The following CSMD1 variants were observed in gnomAD, a reference collection of about 807,000 sequenced individuals.
CSMD1 encodes CUB and sushi domain-containing protein 1.
In CSMD1, 213 loss-of-function variants were observed where a neutral mutation model predicts 417.5. That is an observed-to-expected ratio of 0.51 (90% confidence interval 0.46 to 0.57). The LOEUF is 0.57. Ranked by LOEUF, CSMD1 falls within the 20% of genes least tolerant of loss-of-function variation. The pLI is 0.00. For synonymous variants in CSMD1, 2,862 were observed against 1,736.8 expected, an observed-to-expected ratio of 1.65 and a Z score of -16.11; for missense variants, 6,923 against 4,529.7, an observed-to-expected ratio of 1.53 and a Z score of -15.17.
chr8:4,418,617 G>A (rs966361764), intron 3 of CSMD1, among the ~76,000 whole-genome samples: 15 of 152,056 alleles, frequency 9.9e-5, no homozygotes, highest in African/African-American at 3.1e-4. Context: ...GCATATAGCT[G>A]GTATGGATTG....
intron 10 of CSMD1, among the ~76,000 whole-genome samples, chr8:3,533,343 T>A (rs895051095): frequency 1.3e-5 from 2 of 152,196 alleles, no homozygotes; most frequent in Non-Finnish European, 2.9e-5. Flanking sequence ...CTCTAGAACT[T>A]ATTCATCTTA....
chr8:2,940,154 G>C (rs1801768103), intron 69 of CSMD1, among the ~76,000 whole-genome samples: 1 of 152,188 alleles, frequency 6.6e-6, no homozygotes, highest in Admixed American at 6.5e-5. Flanking sequence ...CCAGTGTAGA[G>C]AGTGCTACAG....
chr8:3,494,684 A>G (rs1337157946), intron 10 of CSMD1, among the ~76,000 whole-genome samples: 1 of 81,752 alleles, frequency 1.2e-5, no homozygotes, highest in Non-Finnish European at 3.0e-5. Flanking sequence ...ACACAGATAC[A>G]TGAATATATA....
At chr8:4,924,456 C>T (rs902565659) in intron 1 of CSMD1, among the ~76,000 whole-genome samples, 2 of 152,102 alleles carry the variant, frequency 1.3e-5, no homozygotes, top group African/African-American at 2.4e-5. Flanking sequence ...GGCACGGTGG[C>T]TCACGCCTGT....
intron 10 of CSMD1, among the ~76,000 whole-genome samples, chr8:3,531,686 A>G (rs1474982430): frequency 6.6e-6 from 1 of 152,226 alleles, no homozygotes; most frequent in African/African-American, 2.4e-5. Flanking sequence ...AATGAGGGCA[A>G]AGAGTCCTCA....
At chr8:4,615,680 T>C (rs1370308153) in intron 2 of CSMD1, among the ~76,000 whole-genome samples, 2 of 152,156 alleles carry the variant, frequency 1.3e-5, no homozygotes, top group Admixed American at 6.5e-5. Context: ...CCTTATACCA[T>C]CTTGTGCACA....
At chr8:3,888,364 G>C (rs1349972280) in intron 5 of CSMD1, among the ~76,000 whole-genome samples, 1 of 152,154 alleles carries the variant, frequency 6.6e-6, no homozygotes, top group Non-Finnish European at 1.5e-5. Context: ...AGTCAGATGA[G>C]CTCTAAACAA....
chr8:4,912,135 A>AAAAAAAAAAGAAAAG (rs765904838), intron 1 of CSMD1, among the ~76,000 whole-genome samples: 22 of 115,668 alleles, frequency 1.9e-4, no homozygotes, highest in Non-Finnish European at 4.2e-4. Context: ...AAAAAAAAAA[A>AAAAAAAAAAGAAAAG]AAAAAAGAAA....
At chr8:3,476,574 A>T (rs1817438605) in intron 11 of CSMD1, among the ~76,000 whole-genome samples, 1 of 152,134 alleles carries the variant, frequency 6.6e-6, no homozygotes. Context: ...GGTTACACAG[A>T]ACATACATCC....
chr8:3,119,052 C>T (rs950011177), intron 41 of CSMD1, among the ~76,000 whole-genome samples: 4 of 151,836 alleles, frequency 2.6e-5, no homozygotes, highest in Non-Finnish European at 5.9e-5. Context: ...TGGTGGCGGG[C>T]GCCTGTAGTC....
At chr8:3,444,126 G>A (rs1436560190) in intron 12 of CSMD1, among the ~76,000 whole-genome samples, 1 of 152,046 alleles carries the variant, frequency 6.6e-6, no homozygotes, top group Non-Finnish European at 1.5e-5. Context: ...GGCCCAGAAA[G>A]AACAAGAAAT....
intron 3 of CSMD1, among the ~76,000 whole-genome samples, chr8:4,055,449 G>C (rs113980452): frequency 5.3e-5 from 8 of 151,624 alleles, no homozygotes; most frequent in African/African-American, 1.7e-4. Context: ...GCATTTTGAA[G>C]AGAAAAATTT....
intron 3 of CSMD1, among the ~76,000 whole-genome samples, chr8:4,107,928 G>C (rs1243380783): frequency 1.3e-5 from 2 of 152,094 alleles, no homozygotes; most frequent in Admixed American, 1.3e-4. Context: ...TTTCGTCAAA[G>C]TTTTGCCCCC....
intron 3 of CSMD1, among the ~76,000 whole-genome samples, chr8:4,255,559 G>A (rs763070679): frequency 6.6e-6 from 1 of 151,024 alleles, no homozygotes; most frequent in Non-Finnish European, 1.5e-5. Flanking sequence ...TTATCTTCTA[G>A]ATAGAATTTT....
intron 2 of CSMD1, among the ~76,000 whole-genome samples, chr8:4,439,817 G>A (rs1438203): frequency 0.025 from 3,844 of 152,228 alleles, 169 homozygotes; most frequent in African/African-American, 0.087. Flanking sequence ...ATTCAGGGGT[G>A]AAAATTAAAG....
intron 1 of CSMD1, among the ~76,000 whole-genome samples, chr8:4,767,965 T>G (rs979940707): frequency 1.3e-5 from 2 of 152,016 alleles, no homozygotes; most frequent in African/African-American, 4.8e-5. Context: ...AGGGCGTGGG[T>G]CAATCTAGCA....
At chr8:4,849,124 C>G (rs1436300807) in intron 1 of CSMD1, among the ~76,000 whole-genome samples, 2 of 152,116 alleles carry the variant, frequency 1.3e-5, no homozygotes, top group East Asian at 3.9e-4. Context: ...TTGTGTAAGT[C>G]TAGGCTAATG....
intron 1 of CSMD1, among the ~76,000 whole-genome samples, chr8:4,708,673 C>T (rs1261516728): frequency 6.7e-6 from 1 of 150,072 alleles, no homozygotes; most frequent in Non-Finnish European, 1.5e-5. Flanking sequence ...TAACCAGATT[C>T]ATTTTTTTTT....
chr8:4,220,759 G>C (rs76801781), intron 3 of CSMD1, among the ~76,000 whole-genome samples: 2 of 152,176 alleles, frequency 1.3e-5, no homozygotes, highest in African/African-American at 2.4e-5. Flanking sequence ...AAACAGGGTG[G>C]AGAATATGGG....
Sources: allele counts gnomAD v4.1 joint callset (sites outside exome capture counted in the v4.1 genomes callset), GRCh38; gene constraint gnomAD v4.1.1; transcripts MANE v1.5; gene names NCBI Gene and HGNC (gene_info 2026-07-23, HGNC 2026-07-21).